Variants in KCNJ16 observed in about 807,000 individuals in gnomAD.
KCNJ16 encodes the protein potassium inwardly rectifying channel subfamily J member 16.
Under a neutral mutation model 18.5 loss-of-function variants are expected in KCNJ16, and 15 were observed. The ratio of observed to expected loss-of-function variants is 0.81; its 90% CI spans 0.54 to 1.25. KCNJ16 has a LOEUF of 1.25. Ranked by LOEUF, KCNJ16 falls within the 50% of genes most tolerant of loss-of-function variation. The pLI is 0.00. For missense variants in KCNJ16, 523 were observed against 525.7 expected (o/e 0.99, Z 0.05); for synonymous variants, 174 against 186.5 (o/e 0.93, Z 0.55).
At position 70,107,161 on chromosome 17, in the gene KCNJ16, G is replaced by A. The variant is rs996017697; in HGVS notation, c.-191+6395G>A. ...TCCTTTTAAAAAGACAGAGAACACAGAGGTAAAATAACTGCTCTGAGTTCA... is the reference window on the plus strand; with the variant it reads ...TCCTTTTAAAAAGACAGAGAACACAAAGGTAAAATAACTGCTCTGAGTTCA... On this transcript the variant is annotated intron_variant, in intron 2 of 3. Coordinates refer to ENST00000392671, the MANE Select transcript of KCNJ16 (RefSeq NM_170741.4). Among the ~76,000 whole-genome samples, 4 of 152,196 alleles carry A rather than the reference G, an allele frequency of 2.6e-5. 1 individual carries two copies. Among genetic ancestry groups the A allele is most frequent in the Non-Finnish European group, 5.9e-5 (4 of 68,038 alleles).
intron 2 of KCNJ16, among the ~76,000 whole-genome samples, chr17:70,105,375 G>C (rs2072876382): frequency 6.6e-6 from 1 of 152,168 alleles, no homozygotes; most frequent in African/African-American, 2.4e-5. Context: ...GACTTAGCCA[G>C]CTGACATAAC....
intron 1 of KCNJ16, among the ~76,000 whole-genome samples, chr17:70,092,573 A>AGAT (rs2072165560): frequency 7.3e-6 from 1 of 137,880 alleles, no homozygotes; most frequent in Non-Finnish European, 1.6e-5. Flanking sequence ...AGATATAGAT[A>AGAT]GATAGATAGA....
intron 1 of KCNJ16, among the ~76,000 whole-genome samples, chr17:70,077,685 TTG>T (rs1340968293): frequency 2.4e-4 from 33 of 140,232 alleles, no homozygotes; most frequent in South Asian, 9.1e-4. Flanking sequence ...TTTTTTTTTT[TTG>T]TTTGTTTGTT....
At chr17:70,094,989 C>A (rs8069571) in intron 1 of KCNJ16, among the ~76,000 whole-genome samples, 138,920 of 152,296 alleles carry the variant, frequency 0.91, 63,515 homozygotes, top group East Asian at 0.96. Flanking sequence ...ATCAACCTTT[C>A]ATATATTGGC....
intron 1 of KCNJ16, among the ~76,000 whole-genome samples, chr17:70,088,602 T>C (rs1256691507): frequency 6.6e-6 from 1 of 152,236 alleles, no homozygotes; most frequent in Non-Finnish European, 1.5e-5. Flanking sequence ...CCAGGGTTAA[T>C]TCCAAATTAT....
At chr17:70,091,231 C>A (rs1339703384) in intron 1 of KCNJ16, among the ~76,000 whole-genome samples, 1 of 152,204 alleles carries the variant, frequency 6.6e-6, no homozygotes, top group African/African-American at 2.4e-5. Flanking sequence ...ATTTGACCAT[C>A]ATCTGTCACC....
intron 2 of KCNJ16, among the ~76,000 whole-genome samples, chr17:70,127,082 T>C (rs2073879782): frequency 2.6e-5 from 4 of 152,172 alleles, no homozygotes; most frequent in Admixed American, 6.5e-5. Flanking sequence ...TTTTCTTAAA[T>C]TGATTCAGGA....
chr17:70,129,464 G>A (rs1395662234), intron 2 of KCNJ16, among the ~76,000 whole-genome samples: 1 of 152,174 alleles, frequency 6.6e-6, no homozygotes, highest in Non-Finnish European at 1.5e-5. Context: ...TTTGCTCATT[G>A]GGTAGGCTGA....
intron 3 of KCNJ16, chr17:70,131,394 A>G: frequency 4.9e-6 from 5 of 1,024,950 alleles, no homozygotes; most frequent in Non-Finnish European, 5.9e-6. Context: ...AATGTGAAGT[A>G]GTACTCCTGT....
At chr17:70,092,714 G>C (rs1473752208) in intron 1 of KCNJ16, among the ~76,000 whole-genome samples, 2 of 152,140 alleles carry the variant, frequency 1.3e-5, no homozygotes, top group Non-Finnish European at 1.5e-5. Flanking sequence ...CTGAAATTCA[G>C]TCTGATTAAG....
Position 70,132,942 on chromosome 17 carries a change from T to C in KCNJ16, c.855T>C (p.Thr285=), listed in dbSNP as rs1220022740. ...NFEILVTFIY[T]GDSTGTSHQS... ...AGATTTTGGTGACATTTATCTATAC[T>C]GGTGATTCCACTGGAACATCTCACC... is the stretch of plus-strand genomic sequence containing the variant. Residue 285 remains threonine, a synonymous_variant, in exon 4 of 4, where the codon ACT becomes ACC. Coordinates refer to ENST00000392671, the MANE Select transcript of KCNJ16 (RefSeq NM_170741.4). 1.2e-6 allele frequency: 2 copies of C among 1,614,232 alleles called. No individual in the cohort carries two copies. The highest frequency in any genetic ancestry group is 3.3e-5 in the Admixed American group (2 of 60,028).
At chr17:70,114,442 T>C (rs939498162) in intron 2 of KCNJ16, among the ~76,000 whole-genome samples, 2 of 152,150 alleles carry the variant, frequency 1.3e-5, no homozygotes, top group Non-Finnish European at 2.9e-5. Context: ...TCAAAAGTCA[T>C]GACACATATG....
chr17:70,093,264 G>A (rs918063174), intron 1 of KCNJ16, among the ~76,000 whole-genome samples: 2 of 152,206 alleles, frequency 1.3e-5, no homozygotes, highest in Admixed American at 1.3e-4. Flanking sequence ...CAGTTCAAGA[G>A]GCTAGAAGTC....
At chr17:70,079,064 G>C (rs1253109562) in intron 1 of KCNJ16, among the ~76,000 whole-genome samples, 2 of 152,064 alleles carry the variant, frequency 1.3e-5, no homozygotes, top group Non-Finnish European at 2.9e-5. Context: ...GAAGAAACAG[G>C]ATACAGGAGA....
intron 2 of KCNJ16, among the ~76,000 whole-genome samples, chr17:70,111,763 T>C (rs559853441): frequency 6.6e-5 from 10 of 152,074 alleles, no homozygotes; most frequent in Non-Finnish European, 1.2e-4. Flanking sequence ...TCACGAGAGC[T>C]GATGGTTTTA....
intron 2 of KCNJ16, among the ~76,000 whole-genome samples, chr17:70,110,299 A>G (rs953027103): frequency 4.6e-5 from 7 of 152,088 alleles, no homozygotes; most frequent in Non-Finnish European, 7.4e-5. Context: ...TAAAAGGCAA[A>G]TGTTCTGATC....
At chr17:70,111,423 A>G (rs767012122) in intron 2 of KCNJ16, among the ~76,000 whole-genome samples, 2 of 152,136 alleles carry the variant, frequency 1.3e-5, no homozygotes, top group Non-Finnish European at 2.9e-5. Context: ...CTTGATTAGC[A>G]TCATAGATTG....
Position 70,099,943 on chromosome 17 carries a change from T to C in KCNJ16, c.-299-715T>C, listed in dbSNP as rs535385494. ...TAATCAATTTCACTTCAGCACGGTT[T>C]GGTCAAAGAAAGGAAAATACATCAG... On this transcript the variant is annotated intron_variant, in intron 1 of 3. Transcript: ENST00000392671. Among the ~76,000 whole-genome samples the C allele has an allele frequency of 3.3e-5, 5 of 152,332 alleles. No homozygotes were observed. In the South Asian group the frequency reaches 1.0e-3, roughly 32 times the overall value.
chr17:70,096,499 C>T (rs2143783121), intron 1 of KCNJ16: 1 of 154,302 alleles, frequency 6.5e-6, no homozygotes. Flanking sequence ...GTAACATTAG[C>T]ACCTACCTTC....
Sources: gnomAD v4.1 joint callset for allele counts (sites outside exome capture counted in the v4.1 genomes callset) on GRCh38, gnomAD v4.1.1 for gene constraint, MANE v1.5 for transcripts, NCBI Gene and HGNC (gene_info 2026-07-23, HGNC 2026-07-21) for gene names.